The following CPQ variants were observed in gnomAD, a reference collection of about 807,000 sequenced individuals.
CPQ encodes Ser-Met dipeptidase.
Under a neutral mutation model 45.7 loss-of-function variants are expected in CPQ, and 37 were observed. The observed-to-expected ratio is 0.81, with a 90% confidence interval of 0.62 to 1.07. The LOEUF is 1.07. Among genes scored for constraint, CPQ ranks in the 50% least tolerant of loss-of-function variants. The pLI is 0.00. For synonymous variants in CPQ, 186 were observed against 205.8 expected (o/e 0.90, Z 0.82); for missense variants, 537 against 572.9 (o/e 0.94, Z 0.64).
At chr8:97,112,862 G>A (rs1016231576) in intron 7 of CPQ, among the ~76,000 whole-genome samples, 15 of 152,356 alleles carry the variant, frequency 9.8e-5, no homozygotes, top group South Asian at 4.1e-4. Flanking sequence ...TCAGGCTTGC[G>A]CCTCTGGGAT....
intron 7 of CPQ, among the ~76,000 whole-genome samples, chr8:97,126,204 T>C (rs1428465547): frequency 1.3e-5 from 2 of 152,208 alleles, no homozygotes; most frequent in Middle Eastern, 3.2e-3. Flanking sequence ...ACCTCACAAC[T>C]GCACAATATA....
At chr8:96,771,223 A>G (rs1810539866) in intron 1 of CPQ, among the ~76,000 whole-genome samples, 1 of 151,440 alleles carries the variant, frequency 6.6e-6, no homozygotes, top group Admixed American at 6.6e-5. Context: ...TTTTTAAATA[A>G]TAACTATGGA....
At chr8:96,736,737 T>C (rs1809986866) in intron 1 of CPQ, among the ~76,000 whole-genome samples, 1 of 152,234 alleles carries the variant, frequency 6.6e-6, no homozygotes, top group African/African-American at 2.4e-5. Context: ...CAACTGTGGC[T>C]ACTACTTGGT....
intron 7 of CPQ, among the ~76,000 whole-genome samples, chr8:97,103,695 G>A (rs1055551312): frequency 3.3e-5 from 5 of 152,170 alleles, no homozygotes; most frequent in African/African-American, 9.7e-5. Flanking sequence ...AGGAAAGATG[G>A]ATGGAAAGTG....
chr8:97,071,794 A>G (rs1810748132), intron 7 of CPQ, among the ~76,000 whole-genome samples: 1 of 152,190 alleles, frequency 6.6e-6, no homozygotes, highest in African/African-American at 2.4e-5. Context: ...ATTCGCTTAA[A>G]AAGAACTTTG....
chr8:96,742,496 G>A (rs1010490566), intron 1 of CPQ, among the ~76,000 whole-genome samples: 1 of 152,084 alleles, frequency 6.6e-6, no homozygotes, highest in Non-Finnish European at 1.5e-5. Context: ...ATATTGTTAT[G>A]TGTGAGTTTG....
chr8:96,723,868 AG>A, intron 1 of CPQ, among the ~76,000 whole-genome samples: 1 of 152,126 alleles, frequency 6.6e-6, no homozygotes, highest in Non-Finnish European at 1.5e-5. Context: ...CTCTTATATT[AG>A]GGGAAGACTA....
chr8:97,129,730 C>T (rs1025177167), intron 7 of CPQ, among the ~76,000 whole-genome samples: 9 of 152,102 alleles, frequency 5.9e-5, no homozygotes, highest in Admixed American at 4.6e-4. Context: ...GCTTTATCTG[C>T]AGAATCTCAA....
chr8:96,750,525 C>G (rs540537439), intron 1 of CPQ, among the ~76,000 whole-genome samples: 1 of 150,836 alleles, frequency 6.6e-6, no homozygotes, highest in East Asian at 1.9e-4. Context: ...TAAATTTTAT[C>G]CATTCATCTT....
intron 1 of CPQ, among the ~76,000 whole-genome samples, chr8:96,759,669 A>T (rs1321166133): frequency 6.6e-6 from 1 of 152,128 alleles, no homozygotes; most frequent in Admixed American, 6.6e-5. Context: ...TGTTTTATAG[A>T]TGAGGAGACT....
chr8:97,132,812 C>T (rs1356249978), intron 7 of CPQ: 1 of 152,190 alleles, frequency 6.6e-6, no homozygotes, highest in African/African-American at 2.4e-5. Flanking sequence ...AAGGCATTTA[C>T]AAGGAGTCAT....
chr8:96,904,752 A>G (rs1389127164), intron 4 of CPQ, among the ~76,000 whole-genome samples: 1 of 152,158 alleles, frequency 6.6e-6, no homozygotes, highest in Non-Finnish European at 1.5e-5. Flanking sequence ...ATTCTGATGC[A>G]CAGTTTAGGA....
chr8:96,914,993 ATCT>A (rs1008570916), intron 4 of CPQ, among the ~76,000 whole-genome samples: 3 of 152,148 alleles, frequency 2.0e-5, no homozygotes, highest in African/African-American at 4.8e-5. Context: ...TCAGAGGGAA[ATCT>A]TCTAAGTTAT....
intron 2 of CPQ, among the ~76,000 whole-genome samples, chr8:96,797,218 G>A (rs909894263): frequency 1.3e-5 from 2 of 152,138 alleles, no homozygotes; most frequent in Non-Finnish European, 2.9e-5. Flanking sequence ...CAAAAAATTG[G>A]TGACACTTAA....
At chr8:96,839,643 A>C (rs942711819) in intron 3 of CPQ, among the ~76,000 whole-genome samples, 10 of 152,306 alleles carry the variant, frequency 6.6e-5, no homozygotes, top group African/African-American at 2.4e-4. Flanking sequence ...TTGCTCAGAA[A>C]TTTCCGAGTA....
chr8:97,025,644 G>A (rs1391459453), intron 5 of CPQ, among the ~76,000 whole-genome samples: 1 of 152,162 alleles, frequency 6.6e-6, no homozygotes, highest in Non-Finnish European at 1.5e-5. Context: ...TTACAGCAGA[G>A]CTTCCACTTA....
intron 1 of CPQ, among the ~76,000 whole-genome samples, chr8:96,720,715 A>G (rs2130762445): frequency 6.6e-6 from 1 of 151,878 alleles, no homozygotes; most frequent in Middle Eastern, 3.4e-3. Flanking sequence ...CCCCTCCTCC[A>G]TGAAGTTTTA....
At chr8:96,791,405 A>G (rs1010290579) in intron 2 of CPQ, among the ~76,000 whole-genome samples, 1 of 151,854 alleles carries the variant, frequency 6.6e-6, no homozygotes, top group African/African-American at 2.4e-5. Flanking sequence ...TCTTATTCCC[A>G]TTTCTTTCTC....
chr8:97,124,038 A>G lies in CPQ; in HGVS notation c.1256-18982A>G, dbSNP rs189755185. ...CAGGAGTTTGAGACCAGCCTGGCCAACATGGTGAAACCCCATCTCTACTAA... is the reference window on the plus strand; with the variant it reads ...CAGGAGTTTGAGACCAGCCTGGCCAGCATGGTGAAACCCCATCTCTACTAA... On this transcript the variant is annotated intron_variant, in intron 7 of 7. Coordinates refer to ENST00000220763, the MANE Select transcript of CPQ (RefSeq NM_016134.4). Among the ~76,000 whole-genome samples the G allele has an allele frequency of 4.1e-3, 621 of 152,112 alleles. 3 individuals carry two copies. Among genetic ancestry groups the G allele is most frequent in the African/African-American group, 0.014 (582 of 41,532 alleles).
Sources: gnomAD v4.1 joint callset for allele counts (sites outside exome capture counted in the v4.1 genomes callset) on GRCh38, gnomAD v4.1.1 for gene constraint, MANE v1.5 for transcripts, NCBI Gene and HGNC (gene_info 2026-07-23, HGNC 2026-07-21) for gene names.